Variants in ARIH1 observed in about 807,000 individuals in gnomAD.
ARIH1 encodes E3 ubiquitin-protein ligase ARIH1.
In ARIH1, 8 loss-of-function variants were observed where a neutral mutation model predicts 85.0. That is an observed-to-expected ratio of 0.09 (90% CI 0.06 to 0.17). ARIH1 has a LOEUF of 0.17. Among genes scored for constraint, ARIH1 ranks in the 10% least tolerant of loss-of-function variants. The probability of loss-of-function intolerance (pLI) is 1.00; values close to 1 mark genes in which losing one functional copy is unlikely to be tolerated. For synonymous variants in ARIH1, 238 were observed against 253.6 expected (o/e 0.94, Z 0.59); for missense variants, 311 against 718.1 (o/e 0.43, Z 6.48).
intron 1 of ARIH1, among the ~76,000 whole-genome samples, chr15:72,510,473 C>T (rs2063945361): frequency 6.6e-6 from 1 of 151,834 alleles, no homozygotes; most frequent in South Asian, 2.1e-4. Flanking sequence ...ATATGTACAT[C>T]TTAATTATTC....
At position 72,563,410 on chromosome 15, in the gene ARIH1, A is replaced by G; in HGVS notation, c.821A>G (p.Lys274Arg). The stretch of plus-strand genomic sequence containing the variant: ...GTATTTCAGTGCAATCGACTGTTAA[A>G]GTGGTGTCCTGCCCCAGATTGCCAC... Reference protein sequence around the residue: ...NSFVECNRLLKWCPAPDCHHV... With the variant: ...NSFVECNRLLRWCPAPDCHHV... Residue 274 changes from lysine to arginine, a missense_variant, in exon 7 of 14, where the codon AAG (lysine) becomes AGG (arginine). Physicochemically the swap from Lys to Arg is conservative, Grantham distance 26. Around this residue, in one of 3 missense-constraint regions of ARIH1, gnomAD observed 104 missense variants for 221.4 expected, o/e 0.47. Coordinates refer to ENST00000379887, the MANE Select transcript of ARIH1 (RefSeq NM_005744.5). 2 of 1,613,802 alleles carry G rather than the reference A, an allele frequency of 1.2e-6. No individual in the cohort carries two copies. The highest frequency in any genetic ancestry group is 1.7e-6 in the Non-Finnish European group (2 of 1,179,756).
intron 2 of ARIH1, among the ~76,000 whole-genome samples, chr15:72,520,572 A>G (rs886481269): frequency 6.6e-6 from 1 of 152,076 alleles, no homozygotes; most frequent in Non-Finnish European, 1.5e-5. Flanking sequence ...GTTGTGCTTT[A>G]TATTTGTTAT....
chr15:72,525,906 G>T (rs892686661), intron 2 of ARIH1, among the ~76,000 whole-genome samples: 1 of 151,874 alleles, frequency 6.6e-6, no homozygotes, highest in Non-Finnish European at 1.5e-5. Flanking sequence ...CCCACAAAGT[G>T]CTGGGATTGC....
chr15:72,596,508 C>T lies in ARIH1; in HGVS notation c.*13216C>T, dbSNP rs1427443323. ...TCATTAATATTGGTTCTTTCTTGGC[C>T]GTTATCCGTTTACATTTTTCTCTTG... On this transcript the variant is annotated 3_prime_UTR_variant, in exon 14 of 14. Coordinates refer to ENST00000379887, the MANE Select transcript of ARIH1 (RefSeq NM_005744.5). 6.6e-6 allele frequency: 1 copy of T among 151,980 alleles called. No individual in the cohort carries two copies. Among genetic ancestry groups the T allele is most frequent in the Non-Finnish European group, 1.5e-5 (1 of 68,004 alleles). 9.4% of individuals were successfully genotyped at this position (151,980 alleles called of 1,614,324 possible). A position where few individuals can be genotyped will look rare whatever the true frequency, so the allele number is the denominator to read the frequency against.
intron 1 of ARIH1, among the ~76,000 whole-genome samples, chr15:72,503,353 A>G (rs1220029774): frequency 6.6e-6 from 1 of 152,192 alleles, no homozygotes; most frequent in African/African-American, 2.4e-5. Flanking sequence ...TTTATTGTGT[A>G]CATCCCCTAG....
chr15:72,479,217 A>G (rs2063805795), intron 1 of ARIH1, among the ~76,000 whole-genome samples: 2 of 152,214 alleles, frequency 1.3e-5, no homozygotes. Context: ...GATTGTAAGT[A>G]TAATTAAATA....
At chr15:72,503,276 C>T in intron 1 of ARIH1, among the ~76,000 whole-genome samples, 1 of 152,152 alleles carries the variant, frequency 6.6e-6, no homozygotes, top group East Asian at 1.9e-4. Flanking sequence ...TGCAGCATAG[C>T]ATTATTTATT....
chr15:72,544,704 A>T (rs2064121687), intron 2 of ARIH1, 116 bp from the exon 3 acceptor site: 1 of 937,788 alleles, frequency 1.1e-6, no homozygotes, highest in Non-Finnish European at 1.6e-6. Context: ...AAAGGTTGTT[A>T]TCTTGTTTTA....
chr15:72,489,877 C>T (rs1157945837), intron 1 of ARIH1, among the ~76,000 whole-genome samples: 2 of 152,138 alleles, frequency 1.3e-5, no homozygotes, highest in Non-Finnish European at 2.9e-5. Flanking sequence ...AAGCTTTGCC[C>T]TCCAAAGCAA....
intron 3 of ARIH1, among the ~76,000 whole-genome samples, 195 bp downstream of exon 3, chr15:72,545,159 G>GT (rs567631177): frequency 5.9e-4 from 89 of 152,114 alleles, no homozygotes; most frequent in Admixed American, 1.4e-3. Context: ...ACCCCCATTT[G>GT]TTTTTTAAAG....
At chr15:72,581,023 A>G (rs766630570) in intron 12 of ARIH1, 32 bp downstream of exon 12, 6 of 1,595,128 alleles carry the variant, frequency 3.8e-6, no homozygotes, top group Non-Finnish European at 5.1e-6. Flanking sequence ...GAAAAAGCCC[A>G]CCTTGTATCA....
At chr15:72,543,482 A>G (rs988368841) in intron 2 of ARIH1, among the ~76,000 whole-genome samples, 5 of 152,160 alleles carry the variant, frequency 3.3e-5, no homozygotes, top group African/African-American at 9.7e-5. Context: ...CCTCCTTTTT[A>G]TAATGTGTTG....
chr15:72,559,564 C>T (rs2064189276), intron 5 of ARIH1, among the ~76,000 whole-genome samples: 1 of 152,202 alleles, frequency 6.6e-6, no homozygotes, highest in Admixed American at 6.5e-5. Context: ...AGCAACCGCA[C>T]ATGGCCAGCA....
chr15:72,569,068 G>A (rs972902989), intron 9 of ARIH1, among the ~76,000 whole-genome samples: 11 of 152,114 alleles, frequency 7.2e-5, no homozygotes, highest in African/African-American at 2.4e-4. Flanking sequence ...TAACACTTTG[G>A]GAGGCCGAGG....
At chr15:72,506,898 C>G (rs2063928249) in intron 1 of ARIH1, among the ~76,000 whole-genome samples, 1 of 150,910 alleles carries the variant, frequency 6.6e-6, no homozygotes, top group South Asian at 2.1e-4. Context: ...AGAAAGTTGT[C>G]TCTTGAGATT....
At chr15:72,581,605 T>G (rs1595875791) in intron 12 of ARIH1, 1 of 158,668 alleles carries the variant, frequency 6.3e-6, no homozygotes, top group Non-Finnish European at 1.4e-5. Flanking sequence ...TAAGACTGAC[T>G]AGCAGATGGG....
At position 72,592,234 on chromosome 15, in the gene ARIH1, C is replaced by G. The variant is rs1339677341; in HGVS notation, c.*8942C>G. On this transcript the variant is annotated 3_prime_UTR_variant, in exon 14 of 14. Transcript: ENST00000379887. ...CTGTTGTTTCCACAAAATTGCTTTA[C>G]AGATTCTAAATGCTATCTCTGGGAC... 6.6e-6 allele frequency: 1 copy of G among 152,184 alleles called. No homozygotes were observed. The highest frequency in any genetic ancestry group is 2.4e-5 in the African/African-American group (1 of 41,446). 9.4% of individuals were successfully genotyped at this position (152,184 alleles called of 1,614,324 possible).
At chr15:72,508,704 T>A (rs2063936487) in intron 1 of ARIH1, among the ~76,000 whole-genome samples, 1 of 151,324 alleles carries the variant, frequency 6.6e-6, no homozygotes, top group South Asian at 2.1e-4. Flanking sequence ...TCTTTTTTTT[T>A]TTTTTTTGAG....
At chr15:72,495,924 T>G (rs999839712) in intron 1 of ARIH1, among the ~76,000 whole-genome samples, 10 of 152,154 alleles carry the variant, frequency 6.6e-5, no homozygotes, top group Non-Finnish European at 1.5e-4. Flanking sequence ...ACAATTTTTT[T>G]CCTCAAGAGA....
Sources: allele counts gnomAD v4.1 joint callset (sites outside exome capture counted in the v4.1 genomes callset), GRCh38; gene constraint gnomAD v4.1.1; regional missense constraint gnomAD v4.1.1; transcripts MANE v1.5; gene names NCBI Gene and HGNC (gene_info 2026-07-23, HGNC 2026-07-21).